ZNF341: variants seen among roughly 807,000 people sequenced by gnomAD.
ZNF341 encodes zinc finger protein 341.
A neutral mutation model predicts 87.7 loss-of-function variants in ZNF341; 52 were observed. That is an observed-to-expected ratio of 0.59 (90% CI 0.47 to 0.75). The LOEUF is 0.75. ZNF341 is among the 30% of genes least tolerant of loss of function. The probability of loss-of-function intolerance (pLI) is 0.00; values close to 1 mark genes in which losing one functional copy is unlikely to be tolerated. For missense variants in ZNF341, 977 were observed against 1,145.9 expected (o/e 0.85, Z 2.13); for synonymous variants, 459 against 472.7 (o/e 0.97, Z 0.38).
chr20:33,761,325 C>T (rs970401774), intron 7 of ZNF341, among the ~76,000 whole-genome samples: 3 of 152,070 alleles, frequency 2.0e-5, no homozygotes, highest in South Asian at 2.1e-4. Flanking sequence ...AGTGCAGTGG[C>T]GCAATCTTGG....
In ZNF341 at chr20:33,770,094, G is replaced by A. The variant is rs1421683956; in HGVS notation, c.1424G>A (p.Cys475Tyr). Residue 475 changes from cysteine (C) to tyrosine (Y), a missense_variant, in exon 10 of 15, where the codon TGT becomes TAT. Coordinates refer to ENST00000375200, the MANE Select transcript of ZNF341 (RefSeq NM_001282933.2). The part of the protein sequence containing the change: ...TQHKNEQVYK[C>Y]VVKSCAQTFP... The stretch of plus-strand genomic sequence containing the variant: ...GCGTCTTCCCTCAAGGTGTACAAGT[G>A]TGTGGTCAAAAGCTGTGCCCAGACG... 1 of 1,613,430 alleles carries A rather than the reference G, an allele frequency of 6.2e-7. No individual in the cohort carries two copies. Among genetic ancestry groups the A allele is most frequent in the South Asian group, 1.1e-5 (1 of 90,964 alleles).
At chr20:33,770,343 G>GGGGGGGGGGGGGGA in intron 10 of ZNF341, 51 bp downstream of exon 10, 2 of 511,254 alleles carry the variant, frequency 3.9e-6, no homozygotes, top group Non-Finnish European at 8.0e-6. Context: ...GGTGGGCAGG[G>GGGGGGGGGGGGGGA]AGCCCAGGGC....
chr20:33,743,017 G>T lies in ZNF341; in HGVS notation c.142+2005G>T, dbSNP rs2018836683. 1.3e-5 allele frequency among the ~76,000 whole-genome samples: 2 copies of T among 151,792 alleles called. 1 individual carries two copies. Among genetic ancestry groups the T allele is most frequent in the South Asian group, 4.2e-4 (2 of 4,810 alleles). The stretch of plus-strand genomic sequence containing the variant: ...TGCTGCAGCCTGGGCAACACAACAG[G>T]ACCCTGTCTCTCTCTTTTTTTTTTT... On this transcript the variant is annotated intron_variant, in intron 2 of 14. Transcript: ENST00000375200.
chr20:33,751,321 A>G (rs1194830640), intron 4 of ZNF341, among the ~76,000 whole-genome samples: 2 of 152,112 alleles, frequency 1.3e-5, no homozygotes, highest in Non-Finnish European at 2.9e-5. Flanking sequence ...CAAAAGACTC[A>G]CGGGACTCAG....
In ZNF341 at chr20:33,769,011, G is replaced by A. The variant is rs1447753379; in HGVS notation, c.1414-1073G>A. The stretch of plus-strand genomic sequence containing the variant: ...ACTGTCAATGAAAAAAAGAGATACT[G>A]AAGTCAGATTGTCAAATTACATACA... On this transcript the variant is annotated intron_variant, in intron 9 of 14. Transcript: ENST00000375200. 2.6e-5 allele frequency among the ~76,000 whole-genome samples: 4 copies of A among 152,262 alleles called. No individual in the cohort carries two copies. In the East Asian group the frequency reaches 7.7e-4, roughly 29 times the overall value.
chr20:33,767,416 C>T (rs1172799713), intron 9 of ZNF341, among the ~76,000 whole-genome samples: 2 of 150,992 alleles, frequency 1.3e-5, no homozygotes, highest in African/African-American at 4.9e-5. Context: ...TTTACTCTTC[C>T]GCCCAGGCTG....
At chr20:33,762,095 C>G in intron 8 of ZNF341, 40 bp downstream of exon 8, 1 of 1,464,338 alleles carries the variant, frequency 6.8e-7, no homozygotes, top group Non-Finnish European at 9.2e-7. Context: ...CCACACCTCT[C>G]TTCTGCCGCT....
intron 10 of ZNF341, among the ~76,000 whole-genome samples, chr20:33,771,675 A>G (rs2019536376): frequency 1.3e-5 from 2 of 152,040 alleles, no homozygotes; most frequent in African/African-American, 4.8e-5. Context: ...TTTGGCAGAA[A>G]TGATGAAAGG....
intron 2 of ZNF341, among the ~76,000 whole-genome samples, chr20:33,743,249 C>T (rs561695794): frequency 3.3e-4 from 50 of 151,852 alleles, no homozygotes; most frequent in Middle Eastern, 3.4e-3. Flanking sequence ...CCAGGCTGGT[C>T]TCGAACTCGT....
chr20:33,786,648 T>C (rs1029315877), intron 12 of ZNF341, among the ~76,000 whole-genome samples: 2 of 152,154 alleles, frequency 1.3e-5, no homozygotes, highest in African/African-American at 4.8e-5. Flanking sequence ...AATTGCTCTT[T>C]ATGGCTTTTA....
chr20:33,775,641 C>T (rs748136677), intron 10 of ZNF341, among the ~76,000 whole-genome samples: 5 of 152,034 alleles, frequency 3.3e-5, no homozygotes, highest in Admixed American at 6.6e-5. Context: ...CCCCATATCA[C>T]GGGCAATCAT....
rs527542288 is a variant in ZNF341 at position 33,762,518 on chromosome 20, C to CT, written c.1222+474dup. On this transcript the variant is annotated intron_variant, in intron 8 of 14. Transcript: ENST00000375200. ...AATAGGGGATAAAAGAAAGCCCTTT[C>CT]TTTTTTTTTTTATTTTTACTTTAAG... Among the ~76,000 whole-genome samples, 442 of 145,906 alleles carry CT rather than the reference C, an allele frequency of 3.0e-3. 5 individuals carry two copies. The highest frequency in any genetic ancestry group is 4.1e-3 in the Non-Finnish European group (269 of 65,756).
At position 33,742,028 on chromosome 20, in the gene ZNF341, A is replaced by ATGGGCATT. The variant is rs1159627779; in HGVS notation, c.142+1029_142+1036dup. On this transcript the variant is annotated intron_variant, in intron 2 of 14. Transcript: ENST00000375200. The stretch of plus-strand genomic sequence containing the variant: ...TGTTTCTGTGTTACGCGAAGTCCTG[A>ATGGGCATT]TGGGCATTTGGGCATTTGGGGTGGG... 4.6e-5 allele frequency among the ~76,000 whole-genome samples: 7 copies of ATGGGCATT among 152,222 alleles called. No individual in the cohort carries two copies. The East Asian group carries it at 5.8e-4, about 13-fold the overall frequency.
In ZNF341 at chr20:33,789,597, C is replaced by A; in HGVS notation, c.2035+9C>A. 6.2e-7 allele frequency: 1 copy of A among 1,614,056 alleles called. No individual in the cohort carries two copies. Among genetic ancestry groups the A allele is most frequent in the Non-Finnish European group, 8.5e-7 (1 of 1,179,946 alleles). The stretch of plus-strand genomic sequence containing the variant: ...CATCCTCTCCCACTCTGGTAAGTGG[C>A]TCTTGGGCCTGCTAAGAGGGTCTGG... On this transcript the variant is annotated intron_variant, in intron 14 of 14. Coordinates refer to ENST00000375200, the MANE Select transcript of ZNF341 (RefSeq NM_001282933.2).
chr20:33,761,807 C>A, intron 7 of ZNF341, 55 bp from the exon 8 acceptor site: 1 of 1,381,502 alleles, frequency 7.2e-7, no homozygotes, highest in Non-Finnish European at 9.6e-7. Context: ...AGCTCCTGGG[C>A]TGAGGCCTCG....
Position 33,780,947 on chromosome 20 carries a change from A to G in ZNF341, c.1623-344A>G, listed in dbSNP as rs548107131. ...GATTTTGAACTCCTGGTCTCAAACA[A>G]TCCTCTCACCTTGGCCTCCTAAAGT... On this transcript the variant is annotated intron_variant, in intron 10 of 14. Transcript: ENST00000375200. Among the ~76,000 whole-genome samples the G allele has an allele frequency of 2.4e-4, 36 of 152,212 alleles. No homozygotes were observed. In the East Asian group the frequency reaches 5.0e-3, roughly 21 times the overall value.
chr20:33,758,850 C>A, intron 7 of ZNF341, 44 bp downstream of exon 7: 1 of 1,545,324 alleles, frequency 6.5e-7, no homozygotes, highest in Non-Finnish European at 8.9e-7. Flanking sequence ...GCAGGTGTGG[C>A]TGGGACCATC....
At chr20:33,736,344 A>G (rs1211233087) in intron 1 of ZNF341, among the ~76,000 whole-genome samples, 5 of 151,952 alleles carry the variant, frequency 3.3e-5, no homozygotes, top group Non-Finnish European at 1.5e-5. Context: ...CCTTGCCTTT[A>G]ACCTCCAAAC....
At chr20:33,748,510 G>A (rs1452510104) in intron 3 of ZNF341, among the ~76,000 whole-genome samples, 1 of 151,972 alleles carries the variant, frequency 6.6e-6, no homozygotes, top group Admixed American at 6.6e-5. Context: ...CACACCAGCT[G>A]CGTGCAAAAC....
Sources: allele counts gnomAD v4.1 joint callset (sites outside exome capture counted in the v4.1 genomes callset), GRCh38; gene constraint gnomAD v4.1.1; transcripts MANE v1.5; gene names NCBI Gene and HGNC (gene_info 2026-07-23, HGNC 2026-07-21).